The following MTREX variants were observed in gnomAD, a reference collection of about 807,000 sequenced individuals.
MTREX encodes Mtr4 exosome RNA helicase, also known as exosome RNA helicase MTR4.
A neutral mutation model predicts 135.4 loss-of-function variants in MTREX; 76 were observed. That is an observed-to-expected ratio of 0.56 (90% CI 0.47 to 0.68). MTREX has a LOEUF of 0.68. MTREX is among the 30% of genes least tolerant of loss of function. The pLI is 0.00. For missense variants in MTREX, 920 were observed against 1,262.1 expected (o/e 0.73, Z 4.11); for synonymous variants, 404 against 401.6 (o/e 1.01, Z -0.07).
At position 55,355,753 on chromosome 5, in the gene MTREX, G is replaced by C. The variant is rs527829361; in HGVS notation, c.1533+2484G>C. ...GGGGACTGTTTGGATCTAGCCAGGG[G>C]CTACGAGTCCAGTCAAGGCATAAGC... is the stretch of plus-strand genomic sequence containing the variant. On this transcript the variant is annotated intron_variant, in intron 14 of 26. Transcript: ENST00000230640. Among the ~76,000 whole-genome samples the C allele has an allele frequency of 1.2e-4, 19 of 152,346 alleles. 1 individual carries two copies. In the South Asian group the frequency reaches 3.1e-3, roughly 25 times the overall value.
intron 25 of MTREX, among the ~76,000 whole-genome samples, chr5:55,419,214 T>A (rs1258990867): frequency 6.6e-6 from 1 of 152,220 alleles, no homozygotes; most frequent in Non-Finnish European, 1.5e-5. Flanking sequence ...TGTCTGTTTT[T>A]ACAGGCAGAC....
At chr5:55,348,105 G>A (rs1749768333) in intron 11 of MTREX, among the ~76,000 whole-genome samples, 1 of 152,122 alleles carries the variant, frequency 6.6e-6, no homozygotes, top group East Asian at 1.9e-4. Flanking sequence ...ATTTATGAAA[G>A]GCAGAAATTT....
chr5:55,409,188 G>A (rs547892968), intron 22 of MTREX, among the ~76,000 whole-genome samples: 2 of 152,174 alleles, frequency 1.3e-5, no homozygotes, highest in Admixed American at 6.5e-5. Flanking sequence ...CTGGGCTCAA[G>A]AGATCTACCT....
At chr5:55,400,043 G>A (rs529079183) in intron 20 of MTREX, among the ~76,000 whole-genome samples, 190 bp from the exon 21 acceptor site, 16 of 152,192 alleles carry the variant, frequency 1.1e-4, no homozygotes, top group Non-Finnish European at 1.5e-4. Flanking sequence ...ATAGTATAGC[G>A]TTGAAAAAGA....
chr5:55,334,003 T>G (rs1579854245), intron 5 of MTREX, among the ~76,000 whole-genome samples: 1 of 152,242 alleles, frequency 6.6e-6, no homozygotes, highest in African/African-American at 2.4e-5. Context: ...GGAATATTAC[T>G]CTGCCATAAA....
At chr5:55,378,630 T>G in intron 17 of MTREX, 144 bp downstream of exon 17, 1 of 1,008,750 alleles carries the variant, frequency 9.9e-7, no homozygotes, top group Non-Finnish European at 1.4e-6. Flanking sequence ...TTTTACCTGT[T>G]TCACATGGCA....
Position 55,419,998 on chromosome 5 carries a change from T to G in MTREX, c.2972-2880T>G, listed in dbSNP as rs191182248. ...TGCTGATAATAATAGAGTAACAATT[T>G]ATTAGTAATTGTTTCTGTCTTTACA... On this transcript the variant is annotated intron_variant, in intron 25 of 26. Transcript: ENST00000230640. 4.6e-5 allele frequency among the ~76,000 whole-genome samples: 7 copies of G among 152,360 alleles called. No homozygotes were observed. In the East Asian group the frequency reaches 1.2e-3, roughly 25 times the overall value.
intron 14 of MTREX, among the ~76,000 whole-genome samples, chr5:55,354,664 G>A (rs528227455): frequency 9.4e-3 from 1 of 106 alleles, no homozygotes; most frequent in East Asian, 0.17. Flanking sequence ...GGGTCAGGAG[G>A]GCCTGGCCAA....
chr5:55,420,921 C>G (rs761387558), intron 25 of MTREX, among the ~76,000 whole-genome samples: 2 of 152,134 alleles, frequency 1.3e-5, no homozygotes, highest in Non-Finnish European at 2.9e-5. Flanking sequence ...AGGGCAGTAA[C>G]TGACTTGTAT....
chr5:55,400,390 CTG>C lies in MTREX; in HGVS notation c.2454_2455del (p.Thr820AlafsTer3), dbSNP rs775651471. On this transcript the variant is annotated frameshift_variant, in exon 21 of 27. Coordinates refer to ENST00000230640, the MANE Select transcript of MTREX (RefSeq NM_015360.5). LOFTEE classifies it high-confidence loss of function. ...CTTCACAATGATCCAAATTTGGAAA[CTG>C]TGTATACGCTTTGTGAAAAAAAAGC... The C allele has an allele frequency of 4.3e-6, 7 of 1,610,332 alleles. No homozygotes were observed. Among genetic ancestry groups the C allele is most frequent in the South Asian group, 1.1e-5 (1 of 90,492 alleles).
intron 20 of MTREX, among the ~76,000 whole-genome samples, chr5:55,399,785 C>T (rs1056157468): frequency 6.6e-6 from 1 of 152,178 alleles, no homozygotes; most frequent in African/African-American, 2.4e-5. Flanking sequence ...CCGCGCCTGG[C>T]CCTCAGGACT....
In MTREX at chr5:55,366,767, A is replaced by G. The variant is rs981260252; in HGVS notation, c.1702A>G (p.Asn568Asp). The part of the protein sequence containing the change: ...PLNSAFHLTY[N>D]MVLNLLRVEE... ...AAATAGTGCTTTCCATTTGACCTAC[A>G]ACATGGTTTTGAACTTACTACGTGT... The change falls in exon 16 of 27, where the codon AAC becomes GAC. Residue 568 changes from asparagine to aspartate, a missense_variant. Physicochemically the swap from Asn to Asp is conservative, Grantham distance 23 (BLOSUM62 1). This residue lies in a region of MTREX where 467 missense variants were observed against 589.7 expected (regional missense o/e 0.79). Transcript: ENST00000230640. The G allele has an allele frequency of 4.3e-6, 7 of 1,610,478 alleles. No homozygotes were observed. In the African/African-American group the frequency reaches 9.3e-5, roughly 22 times the overall value.
chr5:55,402,840 GTA>G (rs1491054591), intron 21 of MTREX, among the ~76,000 whole-genome samples: 104 of 65,992 alleles, frequency 1.6e-3, no homozygotes, highest in African/African-American at 3.5e-3. Context: ...GTGTGTGTGT[GTA>G]TGTGTATGTA....
At chr5:55,400,475 A>T in intron 21 of MTREX, 54 bp downstream of exon 21, 1 of 1,210,360 alleles carries the variant, frequency 8.3e-7, no homozygotes, top group South Asian at 1.7e-5. Context: ...CACTGAATAA[A>T]TATGTGTTTG....
At chr5:55,326,443 C>T (rs569007577) in intron 3 of MTREX, among the ~76,000 whole-genome samples, 2 of 152,000 alleles carry the variant, frequency 1.3e-5, no homozygotes, top group African/African-American at 4.8e-5. Flanking sequence ...AAACTCTATT[C>T]TCAGGAGGTC....
Position 55,343,421 on chromosome 5 carries a change from A to G in MTREX, c.872A>G (p.Gln291Arg). The change falls in exon 8 of 27, where the codon CAG becomes CGG. Residue 291 changes from glutamine to arginine, a missense_variant. Transcript: ENST00000230640. ...FLSATIPNAR[Q>R]FAEWICHLHK... Reference sequence around the variant, plus strand: ...TCGGCTACTATTCCAAATGCCCGACAGTTTGCTGAATGGATTTGCCATTTA... The same window carrying G: ...TCGGCTACTATTCCAAATGCCCGACGGTTTGCTGAATGGATTTGCCATTTA... The G allele has an allele frequency of 1.2e-6, 2 of 1,613,358 alleles. No individual in the cohort carries two copies. Among genetic ancestry groups the G allele is most frequent in the East Asian group, 4.5e-5 (2 of 44,822 alleles).
Position 55,366,714 on chromosome 5 carries a change from TTC to T in MTREX, c.1660-5_1660-4del. 2.0e-6 allele frequency: 3 copies of T among 1,520,994 alleles called. No individual in the cohort carries two copies. Among genetic ancestry groups the T allele is most frequent in the Non-Finnish European group, 2.6e-6 (3 of 1,135,216 alleles). 94.2% of individuals were successfully genotyped at this position (1,520,994 alleles called of 1,614,324 possible). On this transcript the variant is annotated splice_polypyrimidine_tract_variant and intron_variant, in intron 15 of 26. Transcript: ENST00000230640. ...GAAAACTACAAAATTGACATTTTTT[TTC>T]TCTCTTAGGGCTCCGCTGATCCTCT... is the stretch of plus-strand genomic sequence containing the variant.
intron 19 of MTREX, among the ~76,000 whole-genome samples, chr5:55,389,668 A>C (rs13183759): frequency 0.063 from 9,638 of 152,182 alleles, 556 homozygotes; most frequent in African/African-American, 0.13. Context: ...ACCTTTACAG[A>C]CAAGAATTAT....
chr5:55,397,894 A>G (rs909728505), intron 20 of MTREX, among the ~76,000 whole-genome samples: 2 of 152,194 alleles, frequency 1.3e-5, no homozygotes, highest in Admixed American at 6.5e-5. Flanking sequence ...TTTATTTTCA[A>G]TAGGGAAAAT....
Sources: gnomAD v4.1 joint callset for allele counts (sites outside exome capture counted in the v4.1 genomes callset) on GRCh38, gnomAD v4.1.1 for gene constraint, gnomAD v4.1.1 regional missense constraint, MANE v1.5 for transcripts, NCBI Gene and HGNC (gene_info 2026-07-23, HGNC 2026-07-21) for gene names.